AP1G1: variants seen among roughly 807,000 people sequenced by gnomAD.
AP1G1 encodes AP-1 complex subunit gamma-1.
A neutral mutation model predicts 108.3 loss-of-function variants in AP1G1; 7 were observed. That is an observed-to-expected ratio of 0.06 (90% CI 0.04 to 0.12). The LOEUF (loss-of-function observed/expected upper bound fraction) is 0.12. AP1G1 is among the 10% of genes least tolerant of loss of function. The probability of loss-of-function intolerance (pLI) is 1.00; values close to 1 mark genes in which losing one functional copy is unlikely to be tolerated. For synonymous variants in AP1G1, 379 were observed against 353.5 expected (o/e 1.07, Z -0.81); for missense variants, 756 against 1,010.7 (o/e 0.75, Z 3.42).
chr16:71,802,238 A>C (rs149199214), intron 1 of AP1G1, among the ~76,000 whole-genome samples: 67 of 152,292 alleles, frequency 4.4e-4, no homozygotes, highest in African/African-American at 1.4e-3. Context: ...AAAAGTGTTC[A>C]GTCTTAAAAG....
intron 2 of AP1G1, among the ~76,000 whole-genome samples, chr16:71,783,447 C>T (rs1597076998): frequency 6.6e-6 from 1 of 152,118 alleles, no homozygotes. Flanking sequence ...TTAAAGGATA[C>T]TATTTGCAAC....
chr16:71,794,764 A>G (rs1217096704), intron 1 of AP1G1, among the ~76,000 whole-genome samples: 2 of 149,508 alleles, frequency 1.3e-5, no homozygotes, highest in African/African-American at 4.9e-5. Flanking sequence ...ATTTTCCAAC[A>G]TCTCCACAAA....
chr16:71,736,963 T>C (rs2045558231), intron 21 of AP1G1, among the ~76,000 whole-genome samples: 1 of 152,124 alleles, frequency 6.6e-6, no homozygotes, highest in African/African-American at 2.4e-5. Context: ...AAAAATGTCA[T>C]GTTTTAATAG....
rs1213680207 is a variant in AP1G1 at position 71,736,098 on chromosome 16, C to CAAAAAAA, written c.2269-1398_2269-1392dup. Among the ~76,000 whole-genome samples, 7 of 25,414 alleles carry CAAAAAAA rather than the reference C, an allele frequency of 2.8e-4. 1 individual carries two copies. Among genetic ancestry groups the CAAAAAAA allele is most frequent in the Admixed American group, 9.3e-4 (1 of 1,076 alleles). 16.7% of individuals were successfully genotyped at this position (25,414 alleles called of 152,430 possible). ...TGGGTGACAGAGTGAGACTCCATCT[C>CAAAAAAA]AAAAAAAAAAAAAAAAAAAATATAT... On this transcript the variant is annotated intron_variant, in intron 21 of 22. Coordinates refer to ENST00000299980, the MANE Select transcript of AP1G1 (RefSeq NM_001128.6).
At chr16:71,755,851 G>C in intron 12 of AP1G1, 168 bp downstream of exon 12, 2 of 674,838 alleles carry the variant, frequency 3.0e-6, no homozygotes, top group African/African-American at 3.7e-5. Flanking sequence ...TCACTATGTT[G>C]GCCAGGCTGG....
intron 13 of AP1G1, 71 bp from the exon 14 acceptor site, chr16:71,750,403 A>C: frequency 6.4e-7 from 1 of 1,566,402 alleles, no homozygotes; most frequent in Non-Finnish European, 8.7e-7. Flanking sequence ...AGCTATTATT[A>C]TTACTGTGTG....
intron 19 of AP1G1, 135 bp downstream of exon 19, chr16:71,745,009 A>G (rs900855610): frequency 1.1e-6 from 1 of 906,292 alleles, no homozygotes; most frequent in Non-Finnish European, 1.7e-6. Context: ...GATATTGTGA[A>G]GATTTGACTC....
chr16:71,805,031 T>TA (rs2032949626), intron 1 of AP1G1, among the ~76,000 whole-genome samples: 1 of 150,998 alleles, frequency 6.6e-6, no homozygotes. Context: ...TCAATAAAAA[T>TA]AAAATTGCTT....
In AP1G1 at chr16:71,749,798, T is replaced by A. The variant is rs2030390382; in HGVS notation, c.1497+96A>T. On this transcript the variant is annotated intron_variant, in intron 15 of 22. Coordinates refer to ENST00000299980, the MANE Select transcript of AP1G1 (RefSeq NM_001128.6). The stretch of plus-strand genomic sequence containing the variant: ...GAGCCACCACGCCTGGCCTAAAAAG[T>A]TTTCAAGGAATCAACCTCAACTCCC... 5 of 1,090,418 alleles carry A rather than the reference T, an allele frequency of 4.6e-6. No homozygotes were observed. In the East Asian group the frequency reaches 9.5e-5, roughly 21 times the overall value. 67.5% of individuals were successfully genotyped at this position (1,090,418 alleles called of 1,614,324 possible).
At chr16:71,801,619 T>C (rs1386862086) in intron 1 of AP1G1, among the ~76,000 whole-genome samples, 1 of 151,972 alleles carries the variant, frequency 6.6e-6, no homozygotes, top group Non-Finnish European at 1.5e-5. Context: ...ATTGTTGACA[T>C]GATGCTTGAA....
intron 2 of AP1G1, among the ~76,000 whole-genome samples, chr16:71,785,865 G>C (rs1416092089): frequency 6.6e-6 from 1 of 151,938 alleles, no homozygotes; most frequent in African/African-American, 2.4e-5. Flanking sequence ...CTGGGCAACA[G>C]GGCGAGACTC....
At chr16:71,802,274 A>G (rs1597093862) in intron 1 of AP1G1, among the ~76,000 whole-genome samples, 1 of 152,080 alleles carries the variant, frequency 6.6e-6, no homozygotes, top group African/African-American at 2.4e-5. Context: ...TTTTTTACTT[A>G]CCTCTTTTTT....
intron 1 of AP1G1, among the ~76,000 whole-genome samples, chr16:71,791,616 C>A (rs2032401737): frequency 6.7e-6 from 1 of 148,392 alleles, no homozygotes; most frequent in Middle Eastern, 3.5e-3. Flanking sequence ...GCCCTAGAGG[C>A]TGAGGCTGCA....
intron 16 of AP1G1, among the ~76,000 whole-genome samples, 176 bp downstream of exon 16, chr16:71,748,075 G>GATCA (rs1487028340): frequency 6.6e-6 from 1 of 152,190 alleles, no homozygotes; most frequent in Non-Finnish European, 1.5e-5. Context: ...GATGAATAAA[G>GATCA]ATTAACCACA....
chr16:71,771,169 A>G lies in AP1G1; in HGVS notation c.552T>C (p.Asn184=), dbSNP rs1206699745. 2 of 1,600,294 alleles carry G rather than the reference A, an allele frequency of 1.2e-6. No homozygotes were observed. Among genetic ancestry groups the G allele is most frequent in the Non-Finnish European group, 8.6e-7 (1 of 1,169,310 alleles). The change falls in exon 5 of 23, where the codon AAT becomes AAC. Residue 184 remains asparagine, a synonymous_variant. Coordinates refer to ENST00000299980, the MANE Select transcript of AP1G1 (RefSeq NM_001128.6). ...AAATTACATTACCATGGTTCTTCTC[A>G]TTCAATAAATTTTTTGTTGCTGGTA... The part of the protein sequence containing the change: ...MFLPATKNLL[N]EKNHGVLHTS...
intron 2 of AP1G1, among the ~76,000 whole-genome samples, chr16:71,776,168 C>T (rs781142484): frequency 6.6e-6 from 1 of 152,188 alleles, no homozygotes; most frequent in African/African-American, 2.4e-5. Flanking sequence ...AATTTATCTA[C>T]TAAATTCGAA....
chr16:71,737,208 A>G (rs1298175061), intron 21 of AP1G1, among the ~76,000 whole-genome samples: 24 of 152,152 alleles, frequency 1.6e-4, no homozygotes, highest in Admixed American at 1.4e-3. Context: ...ATGTCATACA[A>G]CTACTACTAA....
intron 1 of AP1G1, among the ~76,000 whole-genome samples, chr16:71,804,038 ATATTT>A (rs1038540355): frequency 6.6e-6 from 1 of 151,714 alleles, no homozygotes; most frequent in African/African-American, 2.4e-5. Flanking sequence ...TTTGATAAAC[ATATTT>A]TATTTATTTA....
chr16:71,742,896 C>T (rs1411421864), intron 19 of AP1G1: 1 of 151,814 alleles, frequency 6.6e-6, no homozygotes, highest in African/African-American at 2.4e-5. Context: ...TCACTTGAAC[C>T]CGGGAGGCAG....
Sources: allele counts gnomAD v4.1 joint callset (sites outside exome capture counted in the v4.1 genomes callset), GRCh38; gene constraint gnomAD v4.1.1; transcripts MANE v1.5; gene names NCBI Gene and HGNC (gene_info 2026-07-23, HGNC 2026-07-21).